CADM2: variants seen among roughly 807,000 people sequenced by gnomAD.
The protein encoded by CADM2 is immunoglobulin superfamily member 4D.
In CADM2, 12 loss-of-function variants were observed where a neutral mutation model predicts 49.8. That is an observed-to-expected ratio of 0.24 (90% confidence interval 0.15 to 0.39). The LOEUF (loss-of-function observed/expected upper bound fraction) is 0.39, where lower values mean the gene tolerates loss of function less well. Ranked by LOEUF, CADM2 falls within the 10% of genes least tolerant of loss-of-function variation. CADM2 has a pLI of 1.00. For synonymous variants in CADM2, 214 were observed against 175.4 expected, an observed-to-expected ratio of 1.22 and a Z score of -1.74; for missense variants, 378 against 492.3, an observed-to-expected ratio of 0.77 and a Z score of 2.20.
In CADM2 at chr3:85,833,548, G is replaced by A. The variant is rs141619441; in HGVS notation, c.238+31352G>A. ...GTTCAGGATTTTTTTATTTCTTCCTGACTCAGTCTTGTGAGGTTGTGTGTT... is the reference window on the plus strand; with the variant it reads ...GTTCAGGATTTTTTTATTTCTTCCTAACTCAGTCTTGTGAGGTTGTGTGTT... On this transcript the variant is annotated intron_variant, in intron 3 of 9. Transcript: ENST00000383699. 4.2e-3 allele frequency among the ~76,000 whole-genome samples: 644 copies of A among 151,556 alleles called. 4 individuals carry two copies. The highest frequency in any genetic ancestry group is 0.014 in the African/African-American group (595 of 41,398).
intron 1 of CADM2, among the ~76,000 whole-genome samples, chr3:85,688,698 G>T (rs1300435251): frequency 2.0e-5 from 3 of 151,672 alleles, no homozygotes; most frequent in Admixed American, 6.6e-5. Flanking sequence ...CTCCCAAGTA[G>T]CTGAGATTAC....
chr3:86,001,393 A>T (rs78625372), intron 8 of CADM2, among the ~76,000 whole-genome samples: 1 of 152,272 alleles, frequency 6.6e-6, no homozygotes, highest in Non-Finnish European at 1.5e-5. Context: ...ATAGTCCTTA[A>T]CTGAGGTTAG....
At chr3:85,883,520 A>T in intron 4 of CADM2, 77 bp downstream of exon 4, 2 of 1,242,752 alleles carry the variant, frequency 1.6e-6, no homozygotes, top group Non-Finnish European at 2.2e-6. Context: ...AATTCAATAC[A>T]AAAATATATT....
chr3:85,298,069 G>A (rs1193024582), intron 1 of CADM2, among the ~76,000 whole-genome samples: 1 of 151,946 alleles, frequency 6.6e-6, no homozygotes, highest in African/African-American at 2.4e-5. Flanking sequence ...GTTATGTTAG[G>A]GGAAAAAATG....
intron 1 of CADM2, among the ~76,000 whole-genome samples, chr3:85,154,148 G>A (rs539508097): frequency 2.6e-4 from 39 of 152,212 alleles, no homozygotes; most frequent in Admixed American, 1.2e-3. Flanking sequence ...TCCGAGCTAC[G>A]GGAGGACATT....
Position 86,035,093 on chromosome 3 carries a change from A to G in CADM2, c.971-30512A>G, listed in dbSNP as rs534512117. 2.6e-5 allele frequency among the ~76,000 whole-genome samples: 4 copies of G among 152,186 alleles called. No homozygotes were observed. The South Asian group carries it at 8.3e-4, about 32-fold the overall frequency. ...TTTGTATTGTCATGGAGTAAAATCC[A>G]GACAATAAAATCTTTAGCATGGCAT... On this transcript the variant is annotated intron_variant, in intron 8 of 9. Coordinates refer to ENST00000383699, the MANE Select transcript of CADM2 (RefSeq NM_001167675.2).
intron 8 of CADM2, among the ~76,000 whole-genome samples, chr3:86,063,328 T>C (rs1397712168): frequency 6.6e-6 from 1 of 152,212 alleles, no homozygotes; most frequent in African/African-American, 2.4e-5. Flanking sequence ...ATACTCCCAT[T>C]TGGAATTAAA....
At chr3:85,238,065 C>T (rs770314231) in intron 1 of CADM2, among the ~76,000 whole-genome samples, 1 of 151,918 alleles carries the variant, frequency 6.6e-6, no homozygotes, top group Non-Finnish European at 1.5e-5. Flanking sequence ...TGAGAATGTA[C>T]AGCATCAGTG....
chr3:85,221,129 C>T (rs374729199), intron 1 of CADM2, among the ~76,000 whole-genome samples: 2 of 152,076 alleles, frequency 1.3e-5, no homozygotes, highest in Admixed American at 6.6e-5. Context: ...AATACTTCCT[C>T]GTTATAAACG....
At chr3:85,736,209 C>A (rs1466103452) in intron 2 of CADM2, among the ~76,000 whole-genome samples, 1 of 152,124 alleles carries the variant, frequency 6.6e-6, no homozygotes, top group African/African-American at 2.4e-5. Flanking sequence ...GGGGCAAATG[C>A]TCTTCATAAG....
Position 85,601,162 on chromosome 3 carries a change from A to G in CADM2, c.62-125360A>G, listed in dbSNP as rs1226517098. On this transcript the variant is annotated intron_variant, in intron 1 of 9. Coordinates refer to ENST00000383699, the MANE Select transcript of CADM2 (RefSeq NM_001167675.2). ...TATATATATATATATATATATATAT[A>G]TATATATATATACACACACACACAC... Among the ~76,000 whole-genome samples the G allele has an allele frequency of 3.1e-4, 35 of 114,280 alleles. 1 individual carries two copies. The highest frequency in any genetic ancestry group is 5.5e-4 in the East Asian group (2 of 3,640). 75.0% of individuals were successfully genotyped at this position (114,280 alleles called of 152,430 possible).
chr3:85,022,778 C>A (rs1005445458), intron 1 of CADM2, among the ~76,000 whole-genome samples: 2 of 151,998 alleles, frequency 1.3e-5, no homozygotes, highest in Non-Finnish European at 2.9e-5. Flanking sequence ...AATAGAGACT[C>A]AAAAATCACT....
At chr3:85,875,964 T>A (rs1235579708) in intron 3 of CADM2, among the ~76,000 whole-genome samples, 2 of 152,136 alleles carry the variant, frequency 1.3e-5, no homozygotes, top group Non-Finnish European at 2.9e-5. Context: ...ACATCTCAAC[T>A]TCCTATAGGA....
intron 1 of CADM2, among the ~76,000 whole-genome samples, chr3:85,179,778 T>G (rs964408074): frequency 6.6e-6 from 1 of 152,140 alleles, no homozygotes; most frequent in African/African-American, 2.4e-5. Context: ...TAAATTTAGT[T>G]TATTATTTTG....
chr3:85,354,400 GC>G (rs1411796090), intron 1 of CADM2, among the ~76,000 whole-genome samples: 11 of 150,630 alleles, frequency 7.3e-5, no homozygotes, highest in East Asian at 4.0e-4. Flanking sequence ...TACACCTAAT[GC>G]TAAATGACGA....
chr3:85,910,480 C>T (rs1010693165), intron 5 of CADM2, among the ~76,000 whole-genome samples: 5 of 151,926 alleles, frequency 3.3e-5, no homozygotes, highest in African/African-American at 1.2e-4. Context: ...TCTGAAAGGT[C>T]ATAGAGTCTT....
At chr3:85,856,682 A>C (rs937090788) in intron 3 of CADM2, among the ~76,000 whole-genome samples, 27 of 152,294 alleles carry the variant, frequency 1.8e-4, no homozygotes, top group Non-Finnish European at 3.7e-4. Flanking sequence ...ATATTAAATA[A>C]TATGTTGAAA....
chr3:85,064,821 C>T (rs745729810), intron 1 of CADM2, among the ~76,000 whole-genome samples: 12 of 152,030 alleles, frequency 7.9e-5, no homozygotes, highest in Admixed American at 2.0e-4. Context: ...GCAAGGGGGA[C>T]GACAAGTTCT....
At chr3:85,612,083 G>T (rs1335861160) in intron 1 of CADM2, among the ~76,000 whole-genome samples, 1 of 151,830 alleles carries the variant, frequency 6.6e-6, no homozygotes, top group African/African-American at 2.4e-5. Context: ...GTATAGCAAT[G>T]AAATTAAGAT....
Sources: gnomAD v4.1 joint callset for allele counts (sites outside exome capture counted in the v4.1 genomes callset) on GRCh38, gnomAD v4.1.1 for gene constraint, MANE v1.5 for transcripts, NCBI Gene and HGNC (gene_info 2026-07-23, HGNC 2026-07-21) for gene names.